The following ZNF804A variants were observed in gnomAD, a reference collection of about 807,000 sequenced individuals.
ZNF804A encodes the protein zinc finger protein 804A.
A neutral mutation model predicts 16.5 loss-of-function variants in ZNF804A; 2 were observed. The observed-to-expected ratio is 0.12, with a 90% CI of 0.05 to 0.38. The LOEUF (loss-of-function observed/expected upper bound fraction) is 0.38. Ranked by LOEUF, ZNF804A falls within the 10% of genes least tolerant of loss-of-function variation. ZNF804A has a pLI of 0.99. For missense variants in ZNF804A, 1,473 were observed against 1,390.7 expected (o/e 1.06, Z -0.94); for synonymous variants, 534 against 489.6 (o/e 1.09, Z -1.20).
At chr2:184,838,576 G>A (rs1279251740) in intron 1 of ZNF804A, among the ~76,000 whole-genome samples, 1 of 152,008 alleles carries the variant, frequency 6.6e-6, no homozygotes, top group Non-Finnish European at 1.5e-5. Flanking sequence ...GAATAACCCA[G>A]AATTAGTAAG....
At chr2:184,601,518 T>G (rs961836323) in intron 1 of ZNF804A, among the ~76,000 whole-genome samples, 1 of 152,046 alleles carries the variant, frequency 6.6e-6, no homozygotes, top group African/African-American at 2.4e-5. Flanking sequence ...TAAGAATTTA[T>G]GCTTATCATG....
intron 2 of ZNF804A, among the ~76,000 whole-genome samples, chr2:184,874,884 T>C (rs1288865238): frequency 6.6e-6 from 1 of 152,192 alleles, no homozygotes; most frequent in African/African-American, 2.4e-5. Context: ...AAATGTTAAA[T>C]GCAAATCATT....
chr2:184,718,521 C>G (rs546992081), intron 1 of ZNF804A, among the ~76,000 whole-genome samples: 3 of 152,214 alleles, frequency 2.0e-5, no homozygotes, highest in African/African-American at 7.2e-5. Flanking sequence ...AAATAAAAAG[C>G]AAGTTAGTTA....
intron 1 of ZNF804A, among the ~76,000 whole-genome samples, chr2:184,783,550 G>A (rs770771115): frequency 6.6e-6 from 1 of 151,892 alleles, no homozygotes; most frequent in Admixed American, 6.6e-5. Flanking sequence ...ATTTGGAAAT[G>A]AGTCTCTTTC....
At chr2:184,853,180 T>C (rs754573297) in intron 1 of ZNF804A, among the ~76,000 whole-genome samples, 1 of 151,926 alleles carries the variant, frequency 6.6e-6, no homozygotes, top group Non-Finnish European at 1.5e-5. Flanking sequence ...CCCATTATTT[T>C]TGTACTTATT....
chr2:184,610,034 A>C (rs1691211018), intron 1 of ZNF804A, among the ~76,000 whole-genome samples: 1 of 152,170 alleles, frequency 6.6e-6, no homozygotes, highest in Non-Finnish European at 1.5e-5. Flanking sequence ...TCATGAATGG[A>C]GTAATTCATT....
chr2:184,887,233 C>T (rs56310614), intron 2 of ZNF804A, among the ~76,000 whole-genome samples: 7,674 of 152,280 alleles, frequency 0.05, 255 homozygotes, highest in Middle Eastern at 0.079. Context: ...ACAAGAGTCA[C>T]CTTTGCTCCA....
chr2:184,819,288 T>A (rs1574226888), intron 1 of ZNF804A, among the ~76,000 whole-genome samples: 1 of 152,150 alleles, frequency 6.6e-6, no homozygotes, highest in East Asian at 1.9e-4. Flanking sequence ...CACAACTACA[T>A]GGACCCTGAA....
intron 2 of ZNF804A, among the ~76,000 whole-genome samples, chr2:184,878,500 G>T (rs569744368): frequency 6.6e-6 from 1 of 152,118 alleles, no homozygotes; most frequent in African/African-American, 2.4e-5. Context: ...GTTGTCAAAA[G>T]GACTTATAAG....
At chr2:184,705,068 G>C (rs1359487226) in intron 1 of ZNF804A, among the ~76,000 whole-genome samples, 3 of 152,184 alleles carry the variant, frequency 2.0e-5, no homozygotes, top group African/African-American at 7.2e-5. Context: ...GTGTTAGATT[G>C]CACCTGTTTG....
chr2:184,636,433 G>GTGTGTGTGTA, intron 1 of ZNF804A, among the ~76,000 whole-genome samples: 1 of 132,056 alleles, frequency 7.6e-6, no homozygotes, highest in African/African-American at 2.8e-5. Context: ...CTGTGTGTGT[G>GTGTGTGTGTA]TGTGTGTGTG....
chr2:184,798,525 AT>A (rs1284449003), intron 1 of ZNF804A, among the ~76,000 whole-genome samples: 6 of 151,856 alleles, frequency 4.0e-5, no homozygotes, highest in African/African-American at 1.5e-4. Context: ...GTTCAATTCT[AT>A]TGCTGAGATT....
At chr2:184,718,748 C>T (rs1165508265) in intron 1 of ZNF804A, among the ~76,000 whole-genome samples, 1 of 152,144 alleles carries the variant, frequency 6.6e-6, no homozygotes, top group Non-Finnish European at 1.5e-5. Context: ...GCAGTTCCAA[C>T]CCTGTGACTT....
At chr2:184,903,563 C>T (rs943152639) in intron 2 of ZNF804A, among the ~76,000 whole-genome samples, 5 of 152,222 alleles carry the variant, frequency 3.3e-5, no homozygotes, top group South Asian at 2.1e-4. Context: ...ATGCATTCCT[C>T]GCCCAGTTGT....
intron 1 of ZNF804A, among the ~76,000 whole-genome samples, chr2:184,637,348 T>C (rs936519735): frequency 1.3e-5 from 2 of 152,136 alleles, no homozygotes; most frequent in African/African-American, 4.8e-5. Flanking sequence ...ATGCACAATG[T>C]TTACATTGAA....
Position 184,936,022 on chromosome 2 carries a change from G to A in ZNF804A, c.626G>A (p.Arg209Lys). The change falls in exon 4 of 4, where the codon AGA becomes AAA. Residue 209 changes from arginine (R) to lysine (K), a missense_variant. Physicochemically the swap from Arg to Lys is conservative, Grantham distance 26 (BLOSUM62 2). Transcript: ENST00000302277. ...QVGDQAQGIH[R>K]HKIGFSFAFP... is the part of the protein sequence containing the mutation. ...GGGGATCAAGCCCAGGGGATTCACAGACACAAAATCGGCTTTTCTTTTGCA... is the reference window on the plus strand; with the variant it reads ...GGGGATCAAGCCCAGGGGATTCACAAACACAAAATCGGCTTTTCTTTTGCA... The A allele has an allele frequency of 6.2e-7, 1 of 1,614,080 alleles. No homozygotes were observed. The highest frequency in any genetic ancestry group is 8.5e-7 in the Non-Finnish European group (1 of 1,179,954).
chr2:184,787,053 C>G (rs1574212200), intron 1 of ZNF804A, among the ~76,000 whole-genome samples: 1 of 151,640 alleles, frequency 6.6e-6, no homozygotes, highest in East Asian at 1.9e-4. Context: ...TCTAGTATAC[C>G]CTTCACCCAA....
At chr2:184,737,610 A>G (rs949328481) in intron 1 of ZNF804A, among the ~76,000 whole-genome samples, 4 of 152,148 alleles carry the variant, frequency 2.6e-5, no homozygotes, top group Non-Finnish European at 4.4e-5. Flanking sequence ...ATTTTAATTA[A>G]TAAATATGTT....
chr2:184,852,116 G>A (rs920290366), intron 1 of ZNF804A, among the ~76,000 whole-genome samples: 1 of 151,650 alleles, frequency 6.6e-6, no homozygotes, highest in Admixed American at 6.6e-5. Flanking sequence ...TGAAAATACA[G>A]TAGTCACCTG....
Sources: gnomAD v4.1 joint callset for allele counts (sites outside exome capture counted in the v4.1 genomes callset) on GRCh38, gnomAD v4.1.1 for gene constraint, MANE v1.5 for transcripts, NCBI Gene and HGNC (gene_info 2026-07-23, HGNC 2026-07-21) for gene names.